Variants in AKR1E2 observed in about 807,000 individuals in gnomAD.
AKR1E2 encodes the protein 1,5-anhydro-D-fructose reductase.
Under a neutral mutation model 41.9 loss-of-function variants are expected in AKR1E2, and 43 were observed. The ratio of observed to expected loss-of-function variants is 1.03; its 90% CI spans 0.80 to 1.32. The LOEUF (loss-of-function observed/expected upper bound fraction) is 1.32, where lower values mean the gene tolerates loss of function less well. AKR1E2 is among the 40% of genes most tolerant of loss of function. The pLI, the probability that AKR1E2 is intolerant of heterozygous loss-of-function variation, is 0.00. For synonymous variants in AKR1E2, 121 were observed against 138.9 expected (o/e 0.87, Z 0.91); for missense variants, 423 against 396.5 (o/e 1.07, Z -0.57).
chr10:4,867,618 T>A, the AKR1E2 span, among the ~76,000 whole-genome samples: 1 of 152,254 alleles, frequency 6.6e-6, no homozygotes, highest in Non-Finnish European at 1.5e-5. Context: ...GATGTGCCAA[T>A]AGTCAGTTTA....
At chr10:4,864,686 A>G in the AKR1E2 span, among the ~76,000 whole-genome samples, 1 of 152,160 alleles carries the variant, frequency 6.6e-6, no homozygotes, top group Admixed American at 6.5e-5. Flanking sequence ...TTTGCAGATG[A>G]CATGATTGTA....
At position 4,826,286 on chromosome 10, in the gene AKR1E2, G is replaced by C. The variant is rs1832486587; in HGVS notation, c.-39G>C. On this transcript the variant is annotated 5_prime_UTR_variant, in exon 1 of 10. Transcript: ENST00000298375. ...TCGCGCGGTGCCTGTCGGTAGTCGC[G>C]TGCGGGGCGGCGGGGCGGCGGGGCG... 1.6e-6 allele frequency: 2 copies of C among 1,228,412 alleles called. No homozygotes were observed. The highest frequency in any genetic ancestry group is 1.6e-5 in the African/African-American group (1 of 64,068). 76.1% of individuals were successfully genotyped at this position (1,228,412 alleles called of 1,614,324 possible). A position where few individuals can be genotyped will look rare whatever the true frequency, so the allele number is the denominator to read the frequency against.
chr10:4,872,668 T>A, the AKR1E2 span, among the ~76,000 whole-genome samples: 2 of 152,200 alleles, frequency 1.3e-5, no homozygotes, highest in Non-Finnish European at 2.9e-5. Context: ...CCAATATGTA[T>A]TGAGTACCCA....
chr10:4,848,630 A>G (rs76231368), downstream of AKR1E2, among the ~76,000 whole-genome samples: 5,209 of 152,242 alleles, frequency 0.034, 149 homozygotes, highest in East Asian at 0.11. Flanking sequence ...GCCTCCAAAC[A>G]AGCCTCTCAT....
the AKR1E2 span, among the ~76,000 whole-genome samples, chr10:4,863,941 A>G: frequency 2.0e-5 from 3 of 152,200 alleles, no homozygotes; most frequent in Non-Finnish European, 4.4e-5. Context: ...TATACCAATA[A>G]CAGGCTCTGA....
At chr10:4,833,559 A>G in intron 3 of AKR1E2, 93 bp downstream of exon 3, 2 of 1,108,522 alleles carry the variant, frequency 1.8e-6, no homozygotes, top group Admixed American at 1.8e-5. Flanking sequence ...ATGGACCAGC[A>G]TTCAGGGCAG....
At chr10:4,844,369 G>T (rs865962491) in intron 8 of AKR1E2, among the ~76,000 whole-genome samples, 1 of 152,228 alleles carries the variant, frequency 6.6e-6, no homozygotes, top group South Asian at 2.1e-4. Flanking sequence ...AGGCAGTGTG[G>T]ACCCAAAGAG....
At chr10:4,856,693 A>G in the AKR1E2 span, among the ~76,000 whole-genome samples, 1 of 152,192 alleles carries the variant, frequency 6.6e-6, no homozygotes, top group African/African-American at 2.4e-5. Context: ...TATAATTCTG[A>G]TATGACTTAG....
At chr10:4,832,444 C>A (rs1259206778) in intron 2 of AKR1E2, among the ~76,000 whole-genome samples, 1 of 152,130 alleles carries the variant, frequency 6.6e-6, no homozygotes, top group Non-Finnish European at 1.5e-5. Flanking sequence ...TCTGAATAGT[C>A]CAGGTAGGGA....
downstream of AKR1E2, among the ~76,000 whole-genome samples, chr10:4,849,364 C>G (rs1834479709): frequency 6.6e-6 from 1 of 152,218 alleles, no homozygotes; most frequent in Non-Finnish European, 1.5e-5. Flanking sequence ...CCTTTAAACT[C>G]TTTGTCACTG....
chr10:4,845,573 G>A (rs140342260), intron 8 of AKR1E2, among the ~76,000 whole-genome samples: 165 of 151,610 alleles, frequency 1.1e-3, no homozygotes, highest in Non-Finnish European at 1.6e-3. Context: ...GCCCCTGGGA[G>A]GACATAGGCT....
intron 8 of AKR1E2, among the ~76,000 whole-genome samples, chr10:4,842,823 G>C (rs911225548): frequency 6.6e-6 from 1 of 152,186 alleles, no homozygotes; most frequent in East Asian, 1.9e-4. Flanking sequence ...GGCTGCGCTC[G>C]CCCACAGGGG....
intron 8 of AKR1E2, among the ~76,000 whole-genome samples, chr10:4,846,431 C>T (rs115012284): frequency 6.6e-6 from 1 of 152,226 alleles, no homozygotes; most frequent in African/African-American, 2.4e-5. Context: ...GATATGGGTA[C>T]TGTTAGAGTT....
At chr10:4,845,078 G>A (rs1202510895) in intron 8 of AKR1E2, among the ~76,000 whole-genome samples, 5 of 152,186 alleles carry the variant, frequency 3.3e-5, no homozygotes, top group African/African-American at 1.2e-4. Context: ...GGCAGCTAAG[G>A]CCTGGCGAGA....
chr10:4,847,396 G>A, intron 9 of AKR1E2, 92 bp from the exon 10 acceptor site: 1 of 1,534,454 alleles, frequency 6.5e-7, no homozygotes, highest in Non-Finnish European at 8.9e-7. Context: ...TTCATGCACT[G>A]GGGAGTTTAA....
chr10:4,869,834 T>C, the AKR1E2 span, among the ~76,000 whole-genome samples: 9 of 152,222 alleles, frequency 5.9e-5, no homozygotes, highest in African/African-American at 1.7e-4. Context: ...CTGTTTTTGG[T>C]TTCTAATTTG....
chr10:4,837,163 C>G, intron 4 of AKR1E2, among the ~76,000 whole-genome samples: 1 of 152,324 alleles, frequency 6.6e-6, no homozygotes, highest in African/African-American at 2.4e-5. Flanking sequence ...GCTGACACTT[C>G]CTGTGATTCC....
the AKR1E2 span, among the ~76,000 whole-genome samples, chr10:4,856,899 A>G: frequency 6.7e-6 from 1 of 148,868 alleles, no homozygotes; most frequent in African/African-American, 2.5e-5. Context: ...CGGTGGTATT[A>G]AGTACATTCA....
intron 8 of AKR1E2, among the ~76,000 whole-genome samples, chr10:4,845,110 GCCAGCACTGCTGGGGGAC>G (rs1834224389): frequency 6.6e-6 from 1 of 152,158 alleles, no homozygotes; most frequent in Non-Finnish European, 1.5e-5. Context: ...GCGCCGGTGG[GCCAGCACTGCTGGGGGAC>G]CTAGCACGCC....
Sources: allele counts gnomAD v4.1 joint callset (sites outside exome capture counted in the v4.1 genomes callset), GRCh38; gene constraint gnomAD v4.1.1; transcripts MANE v1.5; gene names NCBI Gene and HGNC (gene_info 2026-07-23, HGNC 2026-07-21).